PRTG: variants seen among roughly 807,000 people sequenced by gnomAD.
PRTG encodes immunoglobulin superfamily, DCC subclass, member 5.
PRTG carries 67 observed loss-of-function variants against 122.5 expected under a neutral mutation model. That is an observed-to-expected ratio of 0.55 (90% CI 0.45 to 0.67). The LOEUF is 0.67. Among genes scored for constraint, PRTG ranks in the 30% least tolerant of loss-of-function variants. The probability of loss-of-function intolerance (pLI) is 0.00; values close to 1 mark genes in which losing one functional copy is unlikely to be tolerated. For synonymous variants in PRTG, 554 were observed against 501.1 expected (o/e 1.11, Z -1.41); for missense variants, 1,435 against 1,415.4 (o/e 1.01, Z -0.22).
chr15:55,639,233 C>T (rs180711393), intron 13 of PRTG, among the ~76,000 whole-genome samples: 9 of 152,118 alleles, frequency 5.9e-5, no homozygotes, highest in African/African-American at 1.9e-4. Context: ...CTCAGCCCCC[C>T]CAAAATCATT....
chr15:55,678,872 A>C (rs889365819), intron 7 of PRTG, among the ~76,000 whole-genome samples: 6 of 152,232 alleles, frequency 3.9e-5, no homozygotes, highest in Non-Finnish European at 4.4e-5. Flanking sequence ...GCTAATAAAA[A>C]TGAATTATTA....
chr15:55,708,163 A>AAACAAAC (rs2030217987), intron 2 of PRTG, among the ~76,000 whole-genome samples: 1 of 97,664 alleles, frequency 1.0e-5, no homozygotes, highest in Admixed American at 1.1e-4. Context: ...AAAAAAAAAA[A>AAACAAAC]AAAAAAAAAA....
chr15:55,698,893 T>G (rs1248963795), intron 2 of PRTG, among the ~76,000 whole-genome samples: 1 of 151,480 alleles, frequency 6.6e-6, no homozygotes, highest in Non-Finnish European at 1.5e-5. Context: ...GTGGGGGAGA[T>G]TCATTTGGGC....
chr15:55,725,321 C>T (rs547853597), intron 2 of PRTG, among the ~76,000 whole-genome samples: 11 of 152,080 alleles, frequency 7.2e-5, no homozygotes, highest in South Asian at 4.2e-4. Context: ...AAATTCAAAA[C>T]GGTTCACTAC....
chr15:55,624,312 G>A lies in PRTG; in HGVS notation c.3093+30C>T, dbSNP rs746093519. ...CACAGGGAGGAGGAATGGAAGAACG[G>A]CTTATGCAGCAAATCCCGCAGCTCA... On this transcript the variant is annotated intron_variant, in intron 18 of 19. Coordinates refer to ENST00000389286, the MANE Select transcript of PRTG (RefSeq NM_173814.6). 4 of 1,604,802 alleles carry A rather than the reference G, an allele frequency of 2.5e-6. No individual in the cohort carries two copies. In the Admixed American group the frequency reaches 5.0e-5, roughly 20 times the overall value.
Position 55,615,282 on chromosome 15 carries a change from A to G in PRTG, c.*4730T>C, listed in dbSNP as rs1385680796. On this transcript the variant is annotated 3_prime_UTR_variant, in exon 20 of 20. Transcript: ENST00000389286. ...GACTTCTGATCTGCAGAACTTAAGA[A>G]AAATTTGTGTTATTTTAAGCCACCA... 6.6e-6 allele frequency: 1 copy of G among 152,080 alleles called. No homozygotes were observed. Among genetic ancestry groups the G allele is most frequent in the Non-Finnish European group, 1.5e-5 (1 of 67,976 alleles). The allele number at this position is 152,080 out of a possible 1,614,324, so 9.4% of individuals were successfully genotyped here.
Position 55,743,099 on chromosome 15 carries a change from C to T in PRTG, c.-168G>A, listed in dbSNP as rs1396217853. On this transcript the variant is annotated 5_prime_UTR_variant, in exon 1 of 20. Transcript: ENST00000389286. ...TCTCTGCGGCGGCGAGGCTGGTGCT[C>T]GGACGGCCGCTCGCGAGAAGCAAGG... 29 of 1,277,952 alleles carry T rather than the reference C, an allele frequency of 2.3e-5. No homozygotes were observed. In the Admixed American group the frequency reaches 3.4e-4, roughly 15 times the overall value. 79.2% of individuals were successfully genotyped at this position (1,277,952 alleles called of 1,614,324 possible). A position where few individuals can be genotyped will look rare whatever the true frequency, so the allele number is the denominator to read the frequency against.
chr15:55,632,532 T>C (rs2059233533), intron 15 of PRTG, among the ~76,000 whole-genome samples: 2 of 152,190 alleles, frequency 1.3e-5, no homozygotes, highest in African/African-American at 2.4e-5. Flanking sequence ...CTGGTCTACA[T>C]CTGCCCTTAG....
intron 17 of PRTG, among the ~76,000 whole-genome samples, chr15:55,625,640 T>C (rs1192873246): frequency 5.3e-5 from 8 of 151,662 alleles, no homozygotes; most frequent in African/African-American, 1.7e-4. Context: ...TTTTTTTTTT[T>C]TGAGATGGAG....
intron 15 of PRTG, among the ~76,000 whole-genome samples, chr15:55,630,251 G>C (rs2059220265): frequency 1.3e-5 from 2 of 151,844 alleles, no homozygotes; most frequent in African/African-American, 4.8e-5. Context: ...CTCCCAAAGT[G>C]ATGGGATTAC....
rs1567123151 is a variant in PRTG at position 55,740,636 on chromosome 15, A to G, written c.143T>C (p.Val48Ala). ...ELSFVKEPQDVTVTRKDPVVL... is the reference protein window; with the variant it reads ...ELSFVKEPQDATVTRKDPVVL... ...GACTGGGTCCTTTCTTGTGACAGTT[A>G]CATCCTGTGGTTCTTTTACAAAAGA... The change falls in exon 2 of 20, where the codon GTA becomes GCA. Residue 48 changes from valine to alanine, a missense_variant. Coordinates refer to ENST00000389286, the MANE Select transcript of PRTG (RefSeq NM_173814.6). The G allele has an allele frequency of 6.2e-7, 1 of 1,614,178 alleles. No individual in the cohort carries two copies. The highest frequency in any genetic ancestry group is 8.5e-7 in the Non-Finnish European group (1 of 1,180,026).
chr15:55,634,703 A>T (rs971113178), intron 15 of PRTG, among the ~76,000 whole-genome samples: 2 of 151,948 alleles, frequency 1.3e-5, no homozygotes, highest in African/African-American at 4.8e-5. Flanking sequence ...TTAGCCAGGC[A>T]TGATGGCGTG....
chr15:55,631,518 A>G (rs1237897952), intron 15 of PRTG, among the ~76,000 whole-genome samples: 1 of 152,218 alleles, frequency 6.6e-6, no homozygotes, highest in Non-Finnish European at 1.5e-5. Context: ...TGGTTCCCCT[A>G]TGAGGACACT....
chr15:55,725,268 A>T (rs2030983882), intron 2 of PRTG, among the ~76,000 whole-genome samples: 1 of 152,230 alleles, frequency 6.6e-6, no homozygotes. Flanking sequence ...GTAACAACAC[A>T]CAAAATATAA....
At chr15:55,620,599 C>T in intron 19 of PRTG, 64 bp downstream of exon 19, 2 of 1,529,890 alleles carry the variant, frequency 1.3e-6, no homozygotes, top group Non-Finnish European at 1.7e-6. Context: ...ACATTTTCCT[C>T]TTTTTAAATC....
chr15:55,682,764 T>C (rs2059547882), intron 3 of PRTG, among the ~76,000 whole-genome samples: 1 of 151,976 alleles, frequency 6.6e-6, no homozygotes, highest in South Asian at 2.1e-4. Context: ...GGTTTCACCA[T>C]GATGATCAGG....
intron 11 of PRTG, among the ~76,000 whole-genome samples, chr15:55,642,388 G>A (rs1390198444): frequency 1.3e-5 from 2 of 151,870 alleles, no homozygotes; most frequent in East Asian, 1.9e-4. Flanking sequence ...AGGCCGAGGC[G>A]GGTGGGTCAC....
In PRTG at chr15:55,637,250, G is replaced by C; in HGVS notation, c.2543C>G (p.Thr848Arg). The change falls in exon 15 of 20, where the codon ACA becomes AGA. Residue 848 changes from threonine (T) to arginine (R), a missense_variant. Physicochemically the swap from Thr to Arg is moderately conservative, Grantham distance 71 (BLOSUM62 -1). Transcript: ENST00000389286. Reference protein sequence around the residue: ...VSWKPPDGPETVVTRYTILYA... With the variant: ...VSWKPPDGPERVVTRYTILYA... ...TAAGATAGTATAGCGGGTCACAACTGTTTCTGGGCCATCAGGGGGTTTCCA... is the reference window on the plus strand; with the variant it reads ...TAAGATAGTATAGCGGGTCACAACTCTTTCTGGGCCATCAGGGGGTTTCCA... 1 of 1,614,002 alleles carries C rather than the reference G, an allele frequency of 6.2e-7. No individual in the cohort carries two copies. Among genetic ancestry groups the C allele is most frequent in the Non-Finnish European group, 8.5e-7 (1 of 1,179,962 alleles).
chr15:55,739,722 G>A (rs2031550322), intron 2 of PRTG, among the ~76,000 whole-genome samples: 1 of 152,128 alleles, frequency 6.6e-6, no homozygotes, highest in East Asian at 1.9e-4. Flanking sequence ...ATCTGATGGG[G>A]ATGTTAATAC....
Sources: allele counts gnomAD v4.1 joint callset (sites outside exome capture counted in the v4.1 genomes callset), GRCh38; gene constraint gnomAD v4.1.1; transcripts MANE v1.5; gene names NCBI Gene and HGNC (gene_info 2026-07-23, HGNC 2026-07-21).